The following COL7A1 variants were observed in gnomAD, a reference collection of about 807,000 sequenced individuals.
COL7A1 encodes the protein collagen alpha-1(VII) chain.
COL7A1 carries 296 observed loss-of-function variants against 456.2 expected under a neutral mutation model. That is an observed-to-expected ratio of 0.65 (90% CI 0.59 to 0.71). The LOEUF is 0.71. COL7A1 is among the 30% of genes least tolerant of loss of function. The pLI is 0.00. For missense variants in COL7A1, 3,441 were observed against 4,017.2 expected, an observed-to-expected ratio of 0.86 and a Z score of 3.88; for synonymous variants, 1,464 against 1,525.9, an observed-to-expected ratio of 0.96 and a Z score of 0.95.
chr3:48,585,617 G>T lies in COL7A1; in HGVS notation c.3834C>A (p.Gly1278=), dbSNP rs775369583. The change falls in exon 32 of 119, where the codon GGC becomes GGA. Residue 1278 remains glycine, a splice_region_variant and synonymous_variant. Coordinates refer to ENST00000681320, the MANE Select transcript of COL7A1 (RefSeq NM_000094.4). The surrounding 1 kb of genome is among the most constrained non-coding windows in gnomAD (Gnocchi z 4.5). ...VGPPGDPGLP[G]RTGAPGPQGP... ...CCTGGGGGCCGGGAGCACCGGTCCT[G>T]CCCTGAAAGAAGATAGCAGTTAGGT... The T allele has an allele frequency of 6.2e-7, 1 of 1,614,014 alleles. No homozygotes were observed. The highest frequency in any genetic ancestry group is 1.3e-5 in the African/African-American group (1 of 75,048).
Position 48,565,338 on chromosome 3 carries a change from C to G in COL7A1, c.8527+72G>C, listed in dbSNP as rs2043554333. The stretch of plus-strand genomic sequence containing the variant: ...AGACCCTACGTGCTTGGCGTGTGCC[C>G]TGCATTCATGGACACCCATGTGCGT... On this transcript the variant is annotated intron_variant, in intron 116 of 118. Coordinates refer to ENST00000681320, the MANE Select transcript of COL7A1 (RefSeq NM_000094.4). This position sits in a 1 kb window ranked among gnomAD's most constrained non-coding sequence, Gnocchi z 4.5. 2 of 1,535,252 alleles carry G rather than the reference C, an allele frequency of 1.3e-6. No individual in the cohort carries two copies. The highest frequency in any genetic ancestry group is 1.8e-6 in the Non-Finnish European group (2 of 1,127,616).
At position 48,569,251 on chromosome 3, in the gene COL7A1, C is replaced by G. The variant is rs2043763781; in HGVS notation, c.7686+124G>C. 1.6e-5 allele frequency: 20 copies of G among 1,214,514 alleles called. No homozygotes were observed. Among genetic ancestry groups the G allele is most frequent in the Non-Finnish European group, 2.4e-5 (20 of 823,836 alleles). The allele number at this position is 1,214,514 out of a possible 1,614,324, so 75.2% of individuals were successfully genotyped here. ...CTCTCGGCCACTCCATAGTCAGCCA[C>G]AGAACCCCTTCCCCCTAAACCCCAG... On this transcript the variant is annotated intron_variant, in intron 103 of 118. Coordinates refer to ENST00000681320, the MANE Select transcript of COL7A1 (RefSeq NM_000094.4). This position sits in a 1 kb window ranked among gnomAD's most constrained non-coding sequence, Gnocchi z 4.9.
rs751327846 is a variant in COL7A1, at chr3:48,573,596, G to T, written c.6574-39C>A. The T allele has an allele frequency of 4.3e-6, 7 of 1,613,758 alleles. No homozygotes were observed. In the African/African-American group the frequency reaches 9.3e-5, roughly 22 times the overall value. ...TCAAGGGCAGGGAACAGGGCTCAGG[G>T]ATTAACACAGAGAAGGCCTGGCTCA... On this transcript the variant is annotated intron_variant, in intron 82 of 118. Coordinates refer to ENST00000681320, the MANE Select transcript of COL7A1 (RefSeq NM_000094.4). The surrounding 1 kb of genome is among the most constrained non-coding windows in gnomAD (Gnocchi z 5.5).
rs751729260 is a variant in COL7A1 at position 48,568,069 on chromosome 3, C to T, written c.7875+21G>A. ...TTAGGCCTTCCTGACCAGAAAAAAA[C>T]CAATCTTGTTTCTTTCCTACCTTGA... On this transcript the variant is annotated intron_variant, in intron 106 of 118. Coordinates refer to ENST00000681320, the MANE Select transcript of COL7A1 (RefSeq NM_000094.4). The surrounding 1 kb of genome is among the most constrained non-coding windows in gnomAD (Gnocchi z 5.2). 1 of 1,614,100 alleles carries T rather than the reference C, an allele frequency of 6.2e-7. No homozygotes were observed. The highest frequency in any genetic ancestry group is 2.2e-5 in the East Asian group (1 of 44,892).
At position 48,587,345 on chromosome 3, in the gene COL7A1, G is replaced by C; in HGVS notation, c.2993-9C>G. 1 of 1,608,810 alleles carries C rather than the reference G, an allele frequency of 6.2e-7. No individual in the cohort carries two copies. The highest frequency in any genetic ancestry group is 8.5e-7 in the Non-Finnish European group (1 of 1,177,800). On this transcript the variant is annotated splice_polypyrimidine_tract_variant and intron_variant, in intron 23 of 118. Transcript: ENST00000681320. The surrounding 1 kb of genome is among the most constrained non-coding windows in gnomAD (Gnocchi z 6.1). Reference sequence around the variant, plus strand: ...CGGGGACCCAGGCACTTCTGCAGGAGACAGAACTTGATTAAAAAGCTGTCT... The same window carrying C: ...CGGGGACCCAGGCACTTCTGCAGGACACAGAACTTGATTAAAAAGCTGTCT...
Position 48,565,383 on chromosome 3 carries a change from C to A in COL7A1, c.8527+27G>T. 1 of 1,587,660 alleles carries A rather than the reference C, an allele frequency of 6.3e-7. No homozygotes were observed. The highest frequency in any genetic ancestry group is 8.6e-7 in the Non-Finnish European group (1 of 1,166,526). ...GTGCGTGTCTCGGCCCCACCCATAG[C>A]TGCCCCACGGGTTCAGCTGTCCTCA... On this transcript the variant is annotated intron_variant, in intron 116 of 118. Transcript: ENST00000681320. This position sits in a 1 kb window ranked among gnomAD's most constrained non-coding sequence, Gnocchi z 4.5.
Position 48,572,663 on chromosome 3 carries a change from A to G in COL7A1, c.6900+8T>C. ...CTGCAGGGGGTGGAAGTCAGGGTCA[A>G]AGATCACCTGTCCAGGGGCCCCCGT... On this transcript the variant is annotated splice_region_variant and intron_variant, in intron 88 of 118. Transcript: ENST00000681320. This position sits in a 1 kb window ranked among gnomAD's most constrained non-coding sequence, Gnocchi z 4.6. The G allele has an allele frequency of 6.2e-7, 1 of 1,604,168 alleles. No homozygotes were observed. The highest frequency in any genetic ancestry group is 1.3e-5 in the African/African-American group (1 of 74,752).
rs972154054 is a variant in COL7A1, at chr3:48,579,047, C to T, written c.5389-93G>A. ...AGGCCTGCATGGCAAGAACATGCCC[C>T]ACCCAGGCAGGGCTCTGGGAGAAGA... On this transcript the variant is annotated intron_variant, in intron 62 of 118. Coordinates refer to ENST00000681320, the MANE Select transcript of COL7A1 (RefSeq NM_000094.4). This position sits in a 1 kb window ranked among gnomAD's most constrained non-coding sequence, Gnocchi z 4.4. The T allele has an allele frequency of 1.3e-6, 2 of 1,573,974 alleles. No individual in the cohort carries two copies. The highest frequency in any genetic ancestry group is 1.7e-6 in the Non-Finnish European group (2 of 1,144,680).
At chr3:48,576,839 G>A in intron 67 of COL7A1, 45 bp downstream of exon 67, 1 of 1,613,768 alleles carries the variant, frequency 6.2e-7, no homozygotes, top group South Asian at 1.1e-5. Flanking sequence ...ATTCCCCCAG[G>A]GTCAGGGTCA....
Position 48,568,850 on chromosome 3 carries a change from G to A in COL7A1, c.7692C>T (p.Ser2564=). The A allele has an allele frequency of 6.4e-7, 1 of 1,574,148 alleles. No homozygotes were observed. The change falls in exon 104 of 119, where the codon AGC becomes AGT. Residue 2564 remains serine (S), a synonymous_variant. Coordinates refer to ENST00000681320, the MANE Select transcript of COL7A1 (RefSeq NM_000094.4). This position sits in a 1 kb window ranked among gnomAD's most constrained non-coding sequence, Gnocchi z 5.2. ...GDNGDPGDKG[S]KGEPGDKGSA... ...AGCCCTTGTCACCAGGCTCTCCCTT[G>A]CTGCCCTGTGGGAGTGACCAGGAGA...
In COL7A1 at chr3:48,579,184, T is replaced by C. The variant is rs113314453; in HGVS notation, c.5388+13A>G. 6.2e-7 allele frequency: 1 copy of C among 1,612,880 alleles called. No homozygotes were observed. The highest frequency in any genetic ancestry group is 8.5e-7 in the Non-Finnish European group (1 of 1,179,912). On this transcript the variant is annotated intron_variant, in intron 62 of 118. Coordinates refer to ENST00000681320, the MANE Select transcript of COL7A1 (RefSeq NM_000094.4). The surrounding 1 kb of genome is among the most constrained non-coding windows in gnomAD (Gnocchi z 4.4). ...GGGGAAGGGGACAACCAGGCAGGAC[T>C]ACCAAGACTCACATTCGGCCCAGAG...
Position 48,569,215 on chromosome 3 carries a change from T to G in COL7A1, c.7686+160A>C, listed in dbSNP as rs930125252. Among the ~76,000 whole-genome samples the G allele has an allele frequency of 2.6e-5, 4 of 151,880 alleles. No individual in the cohort carries two copies. Among genetic ancestry groups the G allele is most frequent in the Non-Finnish European group, 4.4e-5 (3 of 67,940 alleles). On this transcript the variant is annotated intron_variant, in intron 103 of 118. Coordinates refer to ENST00000681320, the MANE Select transcript of COL7A1 (RefSeq NM_000094.4). The surrounding 1 kb of genome is among the most constrained non-coding windows in gnomAD (Gnocchi z 4.9). ...TCACACCAAGGCCTTGAGCCCTCCCTAGAGCCCCTCCTCTCGGCCACTCCA... is the reference window on the plus strand; with the variant it reads ...TCACACCAAGGCCTTGAGCCCTCCCGAGAGCCCCTCCTCTCGGCCACTCCA...
rs1268452265 is a variant in COL7A1 at position 48,565,208 on chromosome 3, G to A, written c.8528-7C>T. On this transcript the variant is annotated splice_polypyrimidine_tract_variant and splice_region_variant and intron_variant, in intron 116 of 118. Coordinates refer to ENST00000681320, the MANE Select transcript of COL7A1 (RefSeq NM_000094.4). The surrounding 1 kb of genome is among the most constrained non-coding windows in gnomAD (Gnocchi z 4.5). ...TCCTCAGGGGGTACCCGCTCTGCAG[G>A]TAGGGCAGGGTGTGCTGGGAGCAGT... 1.2e-6 allele frequency: 2 copies of A among 1,612,146 alleles called. No individual in the cohort carries two copies. The highest frequency in any genetic ancestry group is 1.1e-5 in the South Asian group (1 of 90,670).
chr3:48,567,261 C>G lies in COL7A1; in HGVS notation c.8047-71G>C, dbSNP rs1171988601. ...CAGCTCTGGAACCTCCCTGAACTCC[C>G]ATGAGCTCCCTGGCCTAATGCCCAA... On this transcript the variant is annotated intron_variant, in intron 109 of 118. Transcript: ENST00000681320. This position sits in a 1 kb window ranked among gnomAD's most constrained non-coding sequence, Gnocchi z 4.3. 6 of 1,578,254 alleles carry G rather than the reference C, an allele frequency of 3.8e-6. No individual in the cohort carries two copies. In the Admixed American group the frequency reaches 5.0e-5, roughly 13 times the overall value.
rs1183292108 is a variant in COL7A1, at chr3:48,574,124, C to T, written c.6501+138G>A. ...ACAGGCACACACAGACACAGGCACA[C>T]ACAAGCAGGCACACACAGAGAGGCA... On this transcript the variant is annotated intron_variant, in intron 80 of 118. Transcript: ENST00000681320. The surrounding 1 kb of genome is among the most constrained non-coding windows in gnomAD (Gnocchi z 5.0). 9 of 1,211,666 alleles carry T rather than the reference C, an allele frequency of 7.4e-6. No individual in the cohort carries two copies. In the East Asian group the frequency reaches 1.9e-4, roughly 26 times the overall value. 75.1% of individuals were successfully genotyped at this position (1,211,666 alleles called of 1,614,324 possible).
rs755840352 is a variant in COL7A1 at position 48,587,041 on chromosome 3, C to T, written c.3207G>A (p.Ala1069=). 45 of 1,607,860 alleles carry T rather than the reference C, an allele frequency of 2.8e-5. No homozygotes were observed. The highest frequency in any genetic ancestry group is 4.5e-5 in the South Asian group (4 of 89,836). ...PHATQDNAHR[A]EATRRVLERL... is the part of the protein sequence containing the mutation. Reference sequence around the variant, plus strand: ...GCTCCAGGACCCTCCTCGTAGCCTCCGCACGGTGAGCATTGTCTTGAGTGG... The same window carrying T: ...GCTCCAGGACCCTCCTCGTAGCCTCTGCACGGTGAGCATTGTCTTGAGTGG... Residue 1069 remains alanine, a synonymous_variant, in exon 25 of 119, where the codon GCG becomes GCA. Transcript: ENST00000681320. This position sits in a 1 kb window ranked among gnomAD's most constrained non-coding sequence, Gnocchi z 6.1.
At position 48,581,499 on chromosome 3, in the gene COL7A1, G is replaced by C. The variant is rs1342895701; in HGVS notation, c.4783-16C>G. On this transcript the variant is annotated splice_polypyrimidine_tract_variant and intron_variant, in intron 50 of 118. Coordinates refer to ENST00000681320, the MANE Select transcript of COL7A1 (RefSeq NM_000094.4). The surrounding 1 kb of genome is among the most constrained non-coding windows in gnomAD (Gnocchi z 5.8). ...CAATGGGACCCTGAAGGGGACAGAAGGGGGGCAGGACTTAGTCAGGGTCCC... is the reference window on the plus strand; with the variant it reads ...CAATGGGACCCTGAAGGGGACAGAACGGGGGCAGGACTTAGTCAGGGTCCC... 3 of 1,614,040 alleles carry C rather than the reference G, an allele frequency of 1.9e-6. No homozygotes were observed. Among genetic ancestry groups the C allele is most frequent in the African/African-American group, 1.3e-5 (1 of 74,902 alleles).
Position 48,578,500 on chromosome 3 carries a change from G to C in COL7A1, c.5440C>G (p.Arg1814Gly), listed in dbSNP as rs778035441. ...DPGRDGLPGL[R>G]GEQGLPGPSG... ...GGGCCAGGGAGGCCCTGTTCTCCACGGAGGCCTGGAAGCCCCTGGAAAAAG... is the reference window on the plus strand; with the variant it reads ...GGGCCAGGGAGGCCCTGTTCTCCACCGAGGCCTGGAAGCCCCTGGAAAAAG... Residue 1814 changes from arginine to glycine, a missense_variant, in exon 64 of 119, where the codon CGT (arginine) becomes GGT (glycine). Physicochemically the swap from Arg to Gly is moderately radical, Grantham distance 125 (BLOSUM62 -2). Around this residue, in one of 3 missense-constraint regions of COL7A1, gnomAD observed 2,084 missense variants for 2,501.3 expected, o/e 0.83. Coordinates refer to ENST00000681320, the MANE Select transcript of COL7A1 (RefSeq NM_000094.4). The surrounding 1 kb of genome is among the most constrained non-coding windows in gnomAD (Gnocchi z 4.7). The C allele has an allele frequency of 6.2e-7, 1 of 1,612,316 alleles. No individual in the cohort carries two copies. The highest frequency in any genetic ancestry group is 2.2e-5 in the East Asian group (1 of 44,888).
chr3:48,573,827 A>G lies in COL7A1; in HGVS notation c.6537+28T>C. On this transcript the variant is annotated intron_variant, in intron 81 of 118. Coordinates refer to ENST00000681320, the MANE Select transcript of COL7A1 (RefSeq NM_000094.4). This position sits in a 1 kb window ranked among gnomAD's most constrained non-coding sequence, Gnocchi z 5.5. ...TGGGGCAGGGCACAGGATGGGGGCA[A>G]GACAGGTGAAGGTTCTTGGGTACTC... The G allele has an allele frequency of 6.2e-7, 1 of 1,614,062 alleles. No individual in the cohort carries two copies.
Sources: gnomAD v4.1 joint callset for allele counts (sites outside exome capture counted in the v4.1 genomes callset) on GRCh38, gnomAD v4.1.1 for gene constraint, gnomAD v4.1.1 regional missense constraint, Gnocchi (gnomAD v3.1) non-coding constraint, MANE v1.5 for transcripts, NCBI Gene and HGNC (gene_info 2026-07-23, HGNC 2026-07-21) for gene names.